The following CHEK1 variants were observed in gnomAD, a reference collection of about 807,000 sequenced individuals.
CHEK1 encodes the protein serine/threonine-protein kinase Chk1.
A neutral mutation model predicts 60.2 loss-of-function variants in CHEK1; 32 were observed. The observed-to-expected ratio is 0.53, with a 90% CI of 0.40 to 0.71. The LOEUF (loss-of-function observed/expected upper bound fraction) is 0.71. Among genes scored for constraint, CHEK1 ranks in the 30% least tolerant of loss-of-function variants. The probability of loss-of-function intolerance (pLI) is 0.00; values close to 1 mark genes in which losing one functional copy is unlikely to be tolerated. For missense variants in CHEK1, 399 were observed against 564.6 expected (o/e 0.71, Z 2.97); for synonymous variants, 179 against 187.2 (o/e 0.96, Z 0.36).
chr11:125,633,235 A>G lies in CHEK1; in HGVS notation c.497A>G (p.Lys166Arg). 6.2e-7 allele frequency: 1 copy of G among 1,606,172 alleles called. No homozygotes were observed. The highest frequency in any genetic ancestry group is 1.3e-5 in the African/African-American group (1 of 74,540). Residue 166 changes from lysine to arginine, a missense_variant, in exon 6 of 13, where the codon AAG becomes AGG. Physicochemically the swap from Lys to Arg is conservative, Grantham distance 26 (BLOSUM62 2). Transcript: ENST00000438015. ...AATAATCGTGAGCGTTTGTTGAACA[A>G]GATGTGTGGTACTTTACCATATGTT... ...RYNNRERLLN[K>R]MCGTLPYVAP...
At chr11:125,652,572 C>T (rs969388302) in intron 11 of CHEK1, among the ~76,000 whole-genome samples, 2 of 152,158 alleles carry the variant, frequency 1.3e-5, no homozygotes, top group African/African-American at 4.8e-5. Context: ...CTAGGAGCTG[C>T]ACCCCTGTTG....
chr11:125,647,034 G>A (rs1479731853), intron 11 of CHEK1, among the ~76,000 whole-genome samples: 1 of 152,102 alleles, frequency 6.6e-6, no homozygotes, highest in Non-Finnish European at 1.5e-5. Flanking sequence ...TTAAGAAACT[G>A]TTGCCTGATG....
chr11:125,634,422 A>G (rs1940985432), intron 6 of CHEK1, among the ~76,000 whole-genome samples: 1 of 152,030 alleles, frequency 6.6e-6, no homozygotes, highest in Non-Finnish European at 1.5e-5. Context: ...TCCCAGGCTC[A>G]AGCGATCCTC....
At chr11:125,672,615 T>C (rs528848235) in intron 13 of CHEK1, 3 of 1,613,998 alleles carry the variant, frequency 1.9e-6, no homozygotes, top group South Asian at 1.1e-5. Context: ...GCAGAAAGAT[T>C]GATTTCGACA....
intron 11 of CHEK1, 68 bp downstream of exon 11, chr11:125,644,711 CATT>C (rs1941435149): frequency 1.4e-5 from 21 of 1,531,318 alleles, no homozygotes; most frequent in Non-Finnish European, 1.8e-5. Context: ...TAAAAGCTAT[CATT>C]AGTATATTTT....
At chr11:125,669,599 C>T (rs1424202727) in intron 13 of CHEK1, among the ~76,000 whole-genome samples, 1 of 145,682 alleles carries the variant, frequency 6.9e-6, no homozygotes, top group Non-Finnish European at 1.5e-5. Flanking sequence ...TCTCGGCTCA[C>T]TGCAACCTCC....
rs1458570864 is a variant in CHEK1 at position 125,653,130 on chromosome 11, A to G, written c.1234-616A>G. Among the ~76,000 whole-genome samples, 2 of 152,236 alleles carry G rather than the reference A, an allele frequency of 1.3e-5. No individual in the cohort carries two copies. The highest frequency in any genetic ancestry group is 6.5e-5 in the Admixed American group (1 of 15,276). On this transcript the variant is annotated intron_variant, in intron 11 of 12. Coordinates refer to ENST00000438015, the MANE Select transcript of CHEK1 (RefSeq NM_001114122.3). This position sits in a 1 kb window ranked among gnomAD's most constrained non-coding sequence, Gnocchi z 4.3. ...CCTCCAGTTCCACCCATGTTGCTGC[A>G]AATGACAGGATTTCATTCCTTTATA...
intron 13 of CHEK1, among the ~76,000 whole-genome samples, chr11:125,673,212 C>CTT (rs11434532): frequency 0.04 from 5,103 of 126,808 alleles, 124 homozygotes; most frequent in Non-Finnish European, 0.052. Flanking sequence ...CTTTTCTTTT[C>CTT]TTTTTTTTTT....
At chr11:125,641,788 AC>A (rs1011613447) in intron 8 of CHEK1, among the ~76,000 whole-genome samples, 1 of 139,022 alleles carries the variant, frequency 7.2e-6, no homozygotes, top group African/African-American at 2.8e-5. Flanking sequence ...GAATCTGATT[AC>A]CTTTTTTTTT....
At chr11:125,667,560 T>A (rs1346425232) in intron 13 of CHEK1, among the ~76,000 whole-genome samples, 2 of 152,170 alleles carry the variant, frequency 1.3e-5, no homozygotes, top group Admixed American at 1.3e-4. Flanking sequence ...GTTTGACTTT[T>A]CCTATTTGAA....
chr11:125,626,738 G>A lies in CHEK1; in HGVS notation c.-20-11G>A. 6.2e-7 allele frequency: 1 copy of A among 1,613,680 alleles called. No individual in the cohort carries two copies. The highest frequency in any genetic ancestry group is 8.5e-7 in the Non-Finnish European group (1 of 1,179,614). The stretch of plus-strand genomic sequence containing the variant: ...CACTCTACATCTTTTCTGGATTCCT[G>A]CCTTTTACAGCCGAGGTGCTCGGTG... On this transcript the variant is annotated splice_polypyrimidine_tract_variant and intron_variant, in intron 1 of 12. Coordinates refer to ENST00000438015, the MANE Select transcript of CHEK1 (RefSeq NM_001114122.3).
At chr11:125,676,647 A>C (rs147435743), downstream of CHEK1, among the ~76,000 whole-genome samples, 50 of 152,142 alleles carry the variant, frequency 3.3e-4, no homozygotes, top group East Asian at 9.1e-3. Flanking sequence ...TGCCAGAGGA[A>C]ATTCCTTCAT....
Position 125,653,279 on chromosome 11 carries a change from A to G in CHEK1, c.1234-467A>G, listed in dbSNP as rs953917701. Among the ~76,000 whole-genome samples the G allele has an allele frequency of 6.6e-5, 10 of 152,232 alleles. No individual in the cohort carries two copies. The highest frequency in any genetic ancestry group is 1.3e-4 in the Non-Finnish European group (9 of 68,008). ...GCCCATGCTAGAGTGCAGTGGCGCA[A>G]TCATAGCTCACTGCAGCTTCAACCT... is the stretch of plus-strand genomic sequence containing the variant. On this transcript the variant is annotated intron_variant, in intron 11 of 12. Transcript: ENST00000438015. This position sits in a 1 kb window ranked among gnomAD's most constrained non-coding sequence, Gnocchi z 4.3.
downstream of CHEK1, among the ~76,000 whole-genome samples, chr11:125,657,447 C>T (rs148036151): frequency 4.6e-5 from 7 of 152,242 alleles, no homozygotes; most frequent in East Asian, 1.3e-3. Flanking sequence ...TATGCAGTCT[C>T]CCAATCACAA....
chr11:125,665,869 C>CTTTTTTTTTTTT (rs66560397), intron 13 of CHEK1, among the ~76,000 whole-genome samples: 8 of 30,510 alleles, frequency 2.6e-4, no homozygotes, highest in Admixed American at 3.9e-4. Flanking sequence ...CTTCATTCCC[C>CTTTTTTTTTTTT]TTTTTTTTTT....
intron 13 of CHEK1, among the ~76,000 whole-genome samples, chr11:125,663,328 A>G (rs1942049940): frequency 6.6e-6 from 1 of 152,086 alleles, no homozygotes; most frequent in South Asian, 2.1e-4. Context: ...TTTTTCTTAA[A>G]TTTTGACAGT....
Position 125,656,997 on chromosome 11 carries a change from T to C in CHEK1, c.*1677T>C, listed in dbSNP as rs903384237. 1.6e-5 allele frequency: 3 copies of C among 193,014 alleles called. No individual in the cohort carries two copies. Among genetic ancestry groups the C allele is most frequent in the Non-Finnish European group, 3.2e-5 (3 of 92,558 alleles). The allele number at this position is 193,014 out of a possible 1,614,324, so 12.0% of individuals were successfully genotyped here. On this transcript the variant is annotated 3_prime_UTR_variant, in exon 13 of 13. Transcript: ENST00000438015. The stretch of plus-strand genomic sequence containing the variant: ...TATTTTAATCTTTAATGCTTTAATG[T>C]GTAGGAAGAGTATAGTGTCCTGTTT...
intron 13 of CHEK1, among the ~76,000 whole-genome samples, chr11:125,664,519 G>A (rs900219230): frequency 2.0e-5 from 3 of 152,080 alleles, no homozygotes; most frequent in Non-Finnish European, 4.4e-5. Flanking sequence ...ACAGGTGTGA[G>A]CCACCATGCC....
downstream of CHEK1, among the ~76,000 whole-genome samples, chr11:125,659,281 C>CT (rs201141988): frequency 3.3e-5 from 5 of 151,768 alleles, no homozygotes; most frequent in East Asian, 1.9e-4. Context: ...TCTTTATTCC[C>CT]TTTTTTTTCT....
Sources: allele counts gnomAD v4.1 joint callset (sites outside exome capture counted in the v4.1 genomes callset), GRCh38; gene constraint gnomAD v4.1.1; non-coding constraint Gnocchi (gnomAD v3.1); transcripts MANE v1.5; gene names NCBI Gene and HGNC (gene_info 2026-07-23, HGNC 2026-07-21).